The following TRDN variants were observed in gnomAD, a reference collection of about 807,000 sequenced individuals.
The protein encoded by TRDN is triadin.
Under a neutral mutation model 149.7 loss-of-function variants are expected in TRDN, and 161 were observed. The ratio of observed to expected loss-of-function variants is 1.08; its 90% CI spans 0.95 to 1.23. The LOEUF is 1.23. Among genes scored for constraint, TRDN ranks in the 50% most tolerant of loss-of-function variants. The pLI is 0.00. For synonymous variants in TRDN, 294 were observed against 250.5 expected (o/e 1.17, Z -1.64); for missense variants, 896 against 823.5 (o/e 1.09, Z -1.08).
At chr6:123,222,054 G>A (rs546224318) in intron 39 of TRDN, among the ~76,000 whole-genome samples, 73 of 151,670 alleles carry the variant, frequency 4.8e-4, no homozygotes, top group African/African-American at 1.6e-3. Context: ...AATATCCATC[G>A]CAAATTTATG....
At chr6:123,493,028 G>T (rs1228866022) in intron 9 of TRDN, among the ~76,000 whole-genome samples, 4 of 152,076 alleles carry the variant, frequency 2.6e-5, no homozygotes, top group Non-Finnish European at 5.9e-5. Context: ...CACAACCAAA[G>T]ATCTCAATAT....
intron 1 of TRDN, among the ~76,000 whole-genome samples, chr6:123,603,373 T>C (rs1310895761): frequency 6.6e-6 from 1 of 151,766 alleles, no homozygotes; most frequent in Non-Finnish European, 1.5e-5. Context: ...TCTCAAAACT[T>C]CTTTTATTTA....
intron 24 of TRDN, among the ~76,000 whole-genome samples, chr6:123,281,942 C>G (rs59430410): frequency 3.9e-5 from 6 of 151,980 alleles, no homozygotes; most frequent in Non-Finnish European, 7.4e-5. Context: ...CGCCCAGTAC[C>G]TTATGAATGT....
chr6:123,241,254 ATATAT>A (rs1418909996), intron 38 of TRDN, among the ~76,000 whole-genome samples: 4 of 151,266 alleles, frequency 2.6e-5, no homozygotes, highest in African/African-American at 7.2e-5. Context: ...ATTCATCATT[ATATAT>A]TATAAGGACA....
At chr6:123,265,887 T>C (rs1776935090) in intron 32 of TRDN, among the ~76,000 whole-genome samples, 1 of 147,340 alleles carries the variant, frequency 6.8e-6, no homozygotes, top group East Asian at 2.0e-4. Flanking sequence ...TTTTCCAATA[T>C]AACATGTCTT....
intron 38 of TRDN, among the ~76,000 whole-genome samples, chr6:123,235,331 C>T (rs1395453025): frequency 6.6e-6 from 1 of 151,972 alleles, no homozygotes; most frequent in Non-Finnish European, 1.5e-5. Flanking sequence ...GGTGCTGGAA[C>T]CTTCAGATAC....
At chr6:123,314,203 C>G (rs1778937359) in intron 24 of TRDN, among the ~76,000 whole-genome samples, 1 of 151,948 alleles carries the variant, frequency 6.6e-6, no homozygotes, top group African/African-American at 2.4e-5. Context: ...TGAACAGACA[C>G]TTTTCAATAC....
At chr6:123,557,739 GC>G (rs1417846960) in intron 2 of TRDN, among the ~76,000 whole-genome samples, 1 of 151,762 alleles carries the variant, frequency 6.6e-6, no homozygotes, top group Non-Finnish European at 1.5e-5. Flanking sequence ...TTTCTGGGGG[GC>G]AAGCACCTCC....
At chr6:123,240,063 G>A (rs926991007) in intron 38 of TRDN, among the ~76,000 whole-genome samples, 1 of 151,762 alleles carries the variant, frequency 6.6e-6, no homozygotes, top group Non-Finnish European at 1.5e-5. Flanking sequence ...AGAGATGAGA[G>A]ACCAATACAT....
chr6:123,495,240 C>A (rs1778397703), intron 9 of TRDN, among the ~76,000 whole-genome samples: 2 of 151,716 alleles, frequency 1.3e-5, no homozygotes, highest in Non-Finnish European at 2.9e-5. Context: ...TTTTTTTTGC[C>A]AGTTGCAGTG....
At chr6:123,490,969 G>A (rs1023740123) in intron 9 of TRDN, among the ~76,000 whole-genome samples, 34 of 152,132 alleles carry the variant, frequency 2.2e-4, no homozygotes, top group African/African-American at 8.2e-4. Flanking sequence ...AGATGGGCAC[G>A]GTGGCGTGCA....
intron 5 of TRDN, among the ~76,000 whole-genome samples, chr6:123,520,774 A>G (rs1043987865): frequency 2.6e-5 from 4 of 152,180 alleles, no homozygotes; most frequent in African/African-American, 7.2e-5. Context: ...TCGCTTTCTC[A>G]TAAGTGAACA....
At chr6:123,612,613 T>G (rs1019364494) in intron 1 of TRDN, among the ~76,000 whole-genome samples, 1 of 152,052 alleles carries the variant, frequency 6.6e-6, no homozygotes, top group Admixed American at 6.6e-5. Context: ...TCATCATGTA[T>G]CACAGCTTTG....
At chr6:123,348,084 G>A (rs1407189681) in intron 21 of TRDN, among the ~76,000 whole-genome samples, 1 of 151,822 alleles carries the variant, frequency 6.6e-6, no homozygotes, top group Non-Finnish European at 1.5e-5. Context: ...TTTTTTTTCT[G>A]TATAAAAATC....
At chr6:123,509,001 TA>T (rs1388914320) in intron 7 of TRDN, among the ~76,000 whole-genome samples, 3 of 151,994 alleles carry the variant, frequency 2.0e-5, no homozygotes, top group African/African-American at 4.8e-5. Flanking sequence ...AAAATAAAAA[TA>T]AAAAGCATAT....
chr6:123,285,564 G>C (rs1024956465), intron 24 of TRDN, among the ~76,000 whole-genome samples: 26 of 151,988 alleles, frequency 1.7e-4, no homozygotes, highest in African/African-American at 6.3e-4. Context: ...TTAAAACTAA[G>C]ACCTGAAACT....
chr6:123,319,621 A>G (rs1478933523), intron 23 of TRDN, among the ~76,000 whole-genome samples: 1 of 152,130 alleles, frequency 6.6e-6, no homozygotes, highest in Non-Finnish European at 1.5e-5. Flanking sequence ...TTTATTTTTC[A>G]TTCTGTCTTC....
At position 123,217,869 on chromosome 6, in the gene TRDN, C is replaced by T. The variant is rs754393803; in HGVS notation, c.*732G>A. ...CTCATTTGCTAATATTTTAAACAAA[C>T]GATTCACCAGACCTGACTAATTGAA... is the stretch of plus-strand genomic sequence containing the variant. On this transcript the variant is annotated 3_prime_UTR_variant, in exon 41 of 41. Coordinates refer to ENST00000334268, the MANE Select transcript of TRDN (RefSeq NM_006073.4). 3.9e-5 allele frequency: 6 copies of T among 151,902 alleles called. No individual in the cohort carries two copies. The highest frequency in any genetic ancestry group is 7.4e-5 in the Non-Finnish European group (5 of 67,912). 9.4% of individuals were successfully genotyped at this position (151,902 alleles called of 1,614,324 possible).
chr6:123,575,527 T>C (rs1180322426), intron 1 of TRDN, among the ~76,000 whole-genome samples: 1 of 152,094 alleles, frequency 6.6e-6, no homozygotes, highest in Admixed American at 6.6e-5. Context: ...GCTATGCCTC[T>C]TGAAAGTTGG....
Sources: gnomAD v4.1 joint callset for allele counts (sites outside exome capture counted in the v4.1 genomes callset) on GRCh38, gnomAD v4.1.1 for gene constraint, MANE v1.5 for transcripts, NCBI Gene and HGNC (gene_info 2026-07-23, HGNC 2026-07-21) for gene names.